Variants in ZNF385D observed in about 807,000 individuals in gnomAD.
ZNF385D encodes zinc finger protein 385D, also known as zinc finger protein 659.
A neutral mutation model predicts 35.8 loss-of-function variants in ZNF385D; 15 were observed. The ratio of observed to expected loss-of-function variants is 0.42; its 90% CI spans 0.28 to 0.64. ZNF385D has a LOEUF of 0.64. ZNF385D is among the 30% of genes least tolerant of loss of function. ZNF385D has a pLI of 0.23. For missense variants in ZNF385D, 474 were observed against 494.6 expected, an observed-to-expected ratio of 0.96 and a Z score of 0.39; for synonymous variants, 212 against 186.8, an observed-to-expected ratio of 1.13 and a Z score of -1.10.
chr3:21,609,829 A>T lies in ZNF385D; in HGVS notation c.166-45145T>A, dbSNP rs969975147. Among the ~76,000 whole-genome samples the T allele has an allele frequency of 2.0e-5, 3 of 152,206 alleles. 1 individual carries two copies. Among genetic ancestry groups the T allele is most frequent in the Admixed American group, 2.0e-4 (3 of 15,280 alleles). On this transcript the variant is annotated intron_variant, in intron 2 of 7. Transcript: ENST00000281523. ...TAAAGTCATTTCTAAAGCCACGCAA[A>T]GATAAATGGAACTCACAGGCAGAGA...
chr3:21,898,001 C>A (rs1575863316), intron 3 of ZNF385D, among the ~76,000 whole-genome samples: 1 of 152,020 alleles, frequency 6.6e-6, no homozygotes, highest in Non-Finnish European at 1.5e-5. Context: ...CTTTATCCAC[C>A]TAGAGGTTTA....
chr3:21,807,330 G>A lies in ZNF385D; in HGVS notation c.326-142302C>T, dbSNP rs535677235. ...GTGTTTTAATACTACCACAGCCAGT[G>A]CAGATTTAGAAAATTTTGGTTTATG... is the stretch of plus-strand genomic sequence containing the variant. On this transcript the variant is annotated intron_variant, in intron 3 of 5. Coordinates refer to the ZNF385D transcript ENST00000494108. Among the ~76,000 whole-genome samples, 17 of 152,240 alleles carry A rather than the reference G, an allele frequency of 1.1e-4. No individual in the cohort carries two copies. In the South Asian group the frequency reaches 3.3e-3, roughly 30 times the overall value.
At chr3:21,872,082 T>C (rs921389182) in intron 3 of ZNF385D, among the ~76,000 whole-genome samples, 3 of 152,178 alleles carry the variant, frequency 2.0e-5, no homozygotes, top group African/African-American at 7.2e-5. Context: ...TTTTAAAATA[T>C]GGTTTATATT....
At chr3:22,045,650 G>C (rs34602200) in intron 3 of ZNF385D, among the ~76,000 whole-genome samples, 30,386 of 152,060 alleles carry the variant, frequency 0.2, 3,225 homozygotes, top group South Asian at 0.35. Context: ...GCTGAGTAAA[G>C]GTGGTATTTT....
intron 2 of ZNF385D, among the ~76,000 whole-genome samples, chr3:21,580,691 A>AAG (rs142294777): frequency 6.6e-6 from 1 of 151,454 alleles, no homozygotes; most frequent in Non-Finnish European, 1.5e-5. Context: ...ATTCCAAGAT[A>AAG]ATATATATAT....
intron 2 of ZNF385D, among the ~76,000 whole-genome samples, chr3:22,309,520 A>G (rs1255139529): frequency 6.6e-6 from 1 of 152,110 alleles, no homozygotes; most frequent in Non-Finnish European, 1.5e-5. Flanking sequence ...AACATATTCT[A>G]TTCAACTATT....
intron 2 of ZNF385D, among the ~76,000 whole-genome samples, chr3:22,333,575 G>C (rs1575139707): frequency 6.6e-6 from 1 of 151,960 alleles, no homozygotes. Context: ...CATCCAGAGA[G>C]TTTTCATTTA....
rs954328718 is a variant in ZNF385D at position 21,712,790 on chromosome 3, C to T, written c.22+38105G>A. Among the ~76,000 whole-genome samples, 4 of 152,164 alleles carry T rather than the reference C, an allele frequency of 2.6e-5. No homozygotes were observed. The South Asian group carries it at 6.2e-4, about 24-fold the overall frequency. Reference sequence around the variant, plus strand: ...CTCTGAGCAAATACAGTTCTCTCTACTCTATCAAGAGTAATTTATTTCTTA... The same window carrying T: ...CTCTGAGCAAATACAGTTCTCTCTATTCTATCAAGAGTAATTTATTTCTTA... On this transcript the variant is annotated intron_variant, in intron 1 of 7. Coordinates refer to ENST00000281523, the MANE Select transcript of ZNF385D (RefSeq NM_024697.3).
At chr3:22,111,578 T>C (rs187334332) in intron 3 of ZNF385D, among the ~76,000 whole-genome samples, 2 of 152,230 alleles carry the variant, frequency 1.3e-5, no homozygotes, top group East Asian at 1.9e-4. Flanking sequence ...ATTTACCATC[T>C]TGGCATTTTG....
chr3:21,424,146 A>T (rs1390729407), intron 6 of ZNF385D, 82 bp from the exon 7 acceptor site: 1 of 1,253,716 alleles, frequency 8.0e-7, no homozygotes, highest in East Asian at 2.6e-5. Context: ...ACCTGGAGAA[A>T]GATATTCATT....
intron 2 of ZNF385D, among the ~76,000 whole-genome samples, chr3:22,233,252 G>A (rs1053377197): frequency 2.0e-5 from 3 of 152,010 alleles, no homozygotes; most frequent in African/African-American, 4.8e-5. Flanking sequence ...AGCACTAAAA[G>A]GGAACAGATT....
intron 3 of ZNF385D, among the ~76,000 whole-genome samples, chr3:22,023,222 A>T (rs559546052): frequency 2.4e-4 from 37 of 152,304 alleles, no homozygotes; most frequent in Non-Finnish European, 3.2e-4. Flanking sequence ...TTAAAACAAA[A>T]GTGAGAATGA....
intron 3 of ZNF385D, among the ~76,000 whole-genome samples, chr3:21,820,270 G>A (rs758689891): frequency 3.3e-5 from 5 of 151,606 alleles, no homozygotes; most frequent in South Asian, 4.1e-4. Flanking sequence ...CTCACATTCT[G>A]TGACCACAAG....
intron 3 of ZNF385D, among the ~76,000 whole-genome samples, chr3:21,919,472 T>G (rs370125229): frequency 6.6e-6 from 1 of 152,346 alleles, no homozygotes; most frequent in Admixed American, 6.5e-5. Flanking sequence ...TATTTCACTA[T>G]ATGTAAATCA....
intron 1 of ZNF385D, among the ~76,000 whole-genome samples, chr3:21,723,150 C>T (rs1007911257): frequency 6.6e-6 from 1 of 152,082 alleles, no homozygotes; most frequent in Non-Finnish European, 1.5e-5. Flanking sequence ...CCAAAGGTCA[C>T]CAACATCAAA....
At chr3:22,010,708 A>T (rs1489738966) in intron 3 of ZNF385D, among the ~76,000 whole-genome samples, 13 of 152,212 alleles carry the variant, frequency 8.5e-5, no homozygotes, top group Admixed American at 8.5e-4. Context: ...GCTCAGAGCC[A>T]GAAGAGAACC....
At chr3:21,937,875 G>C (rs190135058) in intron 3 of ZNF385D, among the ~76,000 whole-genome samples, 2 of 152,114 alleles carry the variant, frequency 1.3e-5, no homozygotes, top group African/African-American at 4.8e-5. Context: ...TATAACATAA[G>C]CGTATTTTCC....
At chr3:21,669,300 T>C (rs886343212) in intron 1 of ZNF385D, among the ~76,000 whole-genome samples, 5 of 152,202 alleles carry the variant, frequency 3.3e-5, no homozygotes, top group African/African-American at 1.2e-4. Context: ...GTAAACTAAG[T>C]GATCATTAAT....
intron 1 of ZNF385D, among the ~76,000 whole-genome samples, chr3:21,698,552 C>A (rs1156780518): frequency 1.3e-5 from 2 of 151,958 alleles, no homozygotes; most frequent in African/African-American, 4.8e-5. Flanking sequence ...CAAACCTCAC[C>A]ATTATGCAAT....
Sources: allele counts gnomAD v4.1 joint callset (sites outside exome capture counted in the v4.1 genomes callset), GRCh38; gene constraint gnomAD v4.1.1; transcripts MANE v1.5; gene names NCBI Gene and HGNC (gene_info 2026-07-23, HGNC 2026-07-21).